The following SLC24A2 variants were observed in gnomAD, a reference collection of about 807,000 sequenced individuals.
SLC24A2 encodes the protein sodium/potassium/calcium exchanger 2.
A neutral mutation model predicts 62.0 loss-of-function variants in SLC24A2; 36 were observed. That is an observed-to-expected ratio of 0.58 (90% CI 0.44 to 0.77). The LOEUF (loss-of-function observed/expected upper bound fraction) is 0.77. Among genes scored for constraint, SLC24A2 ranks in the 30% least tolerant of loss-of-function variants. The pLI is 0.00. For synonymous variants in SLC24A2, 358 were observed against 294.0 expected (o/e 1.22, Z -2.23); for missense variants, 846 against 817.9 (o/e 1.03, Z -0.42).
At chr9:19,820,449 T>C in the SLC24A2 span, among the ~76,000 whole-genome samples, 1 of 149,932 alleles carries the variant, frequency 6.7e-6, no homozygotes, top group African/African-American at 2.5e-5. Flanking sequence ...AAATAATAAA[T>C]TTAAAAAAAA....
At chr9:20,122,729 A>T in the SLC24A2 span, among the ~76,000 whole-genome samples, 1 of 152,026 alleles carries the variant, frequency 6.6e-6, no homozygotes, top group African/African-American at 2.4e-5. Flanking sequence ...TCTACTTCTT[A>T]ATTTTTGACT....
chr9:20,007,237 T>C, the SLC24A2 span, among the ~76,000 whole-genome samples: 1 of 152,208 alleles, frequency 6.6e-6, no homozygotes, highest in African/African-American at 2.4e-5. Flanking sequence ...TGCTCTGTTC[T>C]AGAATCTTGA....
chr9:19,994,203 A>T, the SLC24A2 span, among the ~76,000 whole-genome samples: 1 of 152,184 alleles, frequency 6.6e-6, no homozygotes, highest in African/African-American at 2.4e-5. Context: ...TCAGGGAAAG[A>T]CACTGCAAAG....
chr9:19,809,813 G>A, the SLC24A2 span, among the ~76,000 whole-genome samples: 6 of 152,184 alleles, frequency 3.9e-5, no homozygotes, highest in African/African-American at 1.4e-4. Context: ...AACTTCCGTT[G>A]CATCAGCCAC....
At chr9:19,882,189 T>C in the SLC24A2 span, among the ~76,000 whole-genome samples, 1 of 152,142 alleles carries the variant, frequency 6.6e-6, no homozygotes, top group African/African-American at 2.4e-5. Flanking sequence ...TCTAGAAATA[T>C]TATACCAATA....
At chr9:19,791,342 C>T (rs138541224), upstream of SLC24A2, among the ~76,000 whole-genome samples, 7 of 152,360 alleles carry the variant, frequency 4.6e-5, no homozygotes, top group South Asian at 2.1e-4. Context: ...GCTTCACTTA[C>T]ATTTCACTGA....
the SLC24A2 span, among the ~76,000 whole-genome samples, chr9:20,160,340 A>G: frequency 6.6e-6 from 1 of 151,464 alleles, no homozygotes. Context: ...ACACATTAGT[A>G]ACAGAAGACT....
At chr9:19,982,671 C>A in the SLC24A2 span, among the ~76,000 whole-genome samples, 2 of 152,192 alleles carry the variant, frequency 1.3e-5, no homozygotes, top group Middle Eastern at 3.4e-3. Flanking sequence ...GGAAACACTT[C>A]CTAACTTATT....
the SLC24A2 span, among the ~76,000 whole-genome samples, chr9:19,863,215 C>T: frequency 2.0e-5 from 3 of 151,946 alleles, no homozygotes; most frequent in East Asian, 5.8e-4. Flanking sequence ...TATATGCACC[C>T]AACACTGGAG....
At chr9:20,226,027 C>T in the SLC24A2 span, among the ~76,000 whole-genome samples, 1 of 152,072 alleles carries the variant, frequency 6.6e-6, no homozygotes, top group Non-Finnish European at 1.5e-5. Context: ...TCAATGAAAA[C>T]CCTGAAACTG....
At chr9:19,622,337 A>C in intron 2 of SLC24A2, 38 bp from the exon 3 acceptor site, 1 of 1,587,552 alleles carries the variant, frequency 6.3e-7, no homozygotes, top group Non-Finnish European at 8.6e-7. Context: ...AAGACAAAGA[A>C]ATAAATAAAT....
the SLC24A2 span, among the ~76,000 whole-genome samples, chr9:20,009,901 C>T: frequency 6.6e-6 from 1 of 152,170 alleles, no homozygotes; most frequent in East Asian, 1.9e-4. Context: ...GCCCTGCCCA[C>T]CTTGTGTGGC....
chr9:19,849,279 T>G, the SLC24A2 span, among the ~76,000 whole-genome samples: 1 of 152,192 alleles, frequency 6.6e-6, no homozygotes, highest in Non-Finnish European at 1.5e-5. Flanking sequence ...TCACTAAGAA[T>G]ACATAGAATA....
the SLC24A2 span, among the ~76,000 whole-genome samples, chr9:20,127,663 G>C: frequency 2.6e-5 from 4 of 152,108 alleles, no homozygotes; most frequent in African/African-American, 7.2e-5. Context: ...CATTGTTCCA[G>C]TTAGGGTTCT....
At chr9:20,205,334 G>C in the SLC24A2 span, among the ~76,000 whole-genome samples, 1 of 152,016 alleles carries the variant, frequency 6.6e-6, no homozygotes, top group East Asian at 1.9e-4. Context: ...CATCTTTTAT[G>C]TGAAAGAATG....
chr9:20,300,301 G>A, the SLC24A2 span, among the ~76,000 whole-genome samples: 1 of 152,138 alleles, frequency 6.6e-6, no homozygotes, highest in Non-Finnish European at 1.5e-5. Context: ...GACAGACTTT[G>A]AGTTTATTGG....
chr9:19,859,968 C>T, the SLC24A2 span, among the ~76,000 whole-genome samples: 1 of 152,160 alleles, frequency 6.6e-6, no homozygotes, highest in Non-Finnish European at 1.5e-5. Context: ...GCCTTGACAC[C>T]ATGGGCTAAA....
the SLC24A2 span, among the ~76,000 whole-genome samples, chr9:20,039,818 G>C: frequency 6.6e-6 from 1 of 152,198 alleles, no homozygotes; most frequent in Non-Finnish European, 1.5e-5. Flanking sequence ...GTAGGGAAGA[G>C]ATAGCAAGGA....
At chr9:19,592,479 TACCTACCTACCTACCC>T (rs796480252) in intron 5 of SLC24A2, among the ~76,000 whole-genome samples, 677 of 41,452 alleles carry the variant, frequency 0.016, 8 homozygotes, top group South Asian at 0.077. Context: ...TCTACCGACC[TACCTACCTACCTACCC>T]ACCTACCTAC....
Sources: allele counts gnomAD v4.1 joint callset (sites outside exome capture counted in the v4.1 genomes callset), GRCh38; gene constraint gnomAD v4.1.1; transcripts MANE v1.5; gene names NCBI Gene and HGNC (gene_info 2026-07-23, HGNC 2026-07-21).